TRRAP: variants seen among roughly 807,000 people sequenced by gnomAD.
The protein encoded by TRRAP is transformation/transcription domain associated protein.
TRRAP carries 41 observed loss-of-function variants against 438.8 expected under a neutral mutation model. The observed-to-expected ratio is 0.09, with a 90% CI of 0.07 to 0.12. The LOEUF is 0.12. Among genes scored for constraint, TRRAP ranks in the 10% least tolerant of loss-of-function variants. TRRAP has a pLI of 1.00. For missense variants in TRRAP, 3,122 were observed against 5,055.1 expected, an observed-to-expected ratio of 0.62 and a Z score of 11.60; for synonymous variants, 1,994 against 1,962.9, an observed-to-expected ratio of 1.02 and a Z score of -0.42.
intron 3 of TRRAP, among the ~76,000 whole-genome samples, chr7:98,889,410 A>G (rs1795862472): frequency 6.6e-6 from 1 of 152,164 alleles, no homozygotes; most frequent in African/African-American, 2.4e-5. Flanking sequence ...AGTCTTCACA[A>G]TAGTCCTATA....
chr7:98,931,455 G>C lies in TRRAP; in HGVS notation c.3642G>C (p.Leu1214=). Reference sequence around the variant, plus strand: ...CAAAGACCACGCTGGAGCAGCTTCTGATGCGGTGCGCAACGCCTTTAAAAG... The same window carrying C: ...CAAAGACCACGCTGGAGCAGCTTCTCATGCGGTGCGCAACGCCTTTAAAAG... ...AMAKTTLEQL[L]MRCATPLKDE... is the part of the protein sequence containing the mutation. Residue 1214 remains leucine (L), a synonymous_variant, in exon 26 of 73, where the codon CTG becomes CTC. Transcript: ENST00000456197. The C allele has an allele frequency of 6.2e-7, 1 of 1,614,126 alleles. No individual in the cohort carries two copies. The highest frequency in any genetic ancestry group is 8.5e-7 in the Non-Finnish European group (1 of 1,180,016).
intron 11 of TRRAP, 22 bp from the exon 12 acceptor site, chr7:98,903,357 T>C: frequency 6.2e-7 from 1 of 1,613,698 alleles, no homozygotes; most frequent in Non-Finnish European, 8.5e-7. Context: ...TGTAACTGTG[T>C]CATCTCACTC....
At chr7:98,898,688 T>G (rs184156741) in intron 8 of TRRAP, among the ~76,000 whole-genome samples, 35 of 152,350 alleles carry the variant, frequency 2.3e-4, no homozygotes, top group African/African-American at 7.9e-4. Flanking sequence ...TCCTTATATA[T>G]TAGGACTGTT....
intron 2 of TRRAP, 149 bp downstream of exon 2, chr7:98,881,399 C>A (rs1795422136): frequency 1.6e-6 from 1 of 632,578 alleles, no homozygotes; most frequent in Non-Finnish European, 2.5e-6. Flanking sequence ...ATGGTGAAAC[C>A]ACGTCTCTAC....
chr7:98,919,898 A>G (rs782712506), intron 20 of TRRAP, among the ~76,000 whole-genome samples: 2 of 152,156 alleles, frequency 1.3e-5, no homozygotes, highest in Non-Finnish European at 2.9e-5. Context: ...AGTCCCATCA[A>G]CCAGCTAAGG....
In TRRAP at chr7:98,949,645, T is replaced by C; in HGVS notation, c.4954-15T>C. ...TAATCGAGACACGGTTCCCTAATTA[T>C]CTCTTCTTTGACAGATCATAAGCAT... On this transcript the variant is annotated splice_polypyrimidine_tract_variant and intron_variant, in intron 36 of 72. Coordinates refer to ENST00000456197, the MANE Select transcript of TRRAP (RefSeq NM_001375524.1). 6.2e-7 allele frequency: 1 copy of C among 1,605,044 alleles called. No homozygotes were observed. Among genetic ancestry groups the C allele is most frequent in the Non-Finnish European group, 8.5e-7 (1 of 1,175,252 alleles).
At chr7:98,921,178 C>T (rs1789777047) in intron 20 of TRRAP, among the ~76,000 whole-genome samples, 1 of 152,156 alleles carries the variant, frequency 6.6e-6, no homozygotes, top group Non-Finnish European at 1.5e-5. Context: ...CTCTGCAGCA[C>T]TTATAATATG....
chr7:98,937,093 A>G (rs527643889), intron 28 of TRRAP, 63 bp from the exon 29 acceptor site: 21 of 1,528,496 alleles, frequency 1.4e-5, no homozygotes, highest in Non-Finnish European at 1.8e-5. Context: ...AAATACAGAG[A>G]AGAAAATTAT....
intron 31 of TRRAP, among the ~76,000 whole-genome samples, chr7:98,945,237 C>A (rs139322372): frequency 1.3e-5 from 2 of 152,190 alleles, no homozygotes; most frequent in African/African-American, 4.8e-5. Context: ...CACATACATG[C>A]GTGCACACAC....
chr7:98,967,236 C>T lies in TRRAP; in HGVS notation c.7298+74C>T, dbSNP rs1792197331. The T allele has an allele frequency of 2.6e-6, 4 of 1,535,992 alleles. 1 individual carries two copies. The highest frequency in any genetic ancestry group is 1.7e-4 in the Middle Eastern group (1 of 5,758). On this transcript the variant is annotated intron_variant, in intron 50 of 72. Coordinates refer to ENST00000456197, the MANE Select transcript of TRRAP (RefSeq NM_001375524.1). ...CTCCCCGGCCAGCCAGCCATGCAGC[C>T]ATGATTTTAATCTTTTACTCATACC...
In TRRAP at chr7:99,005,836, G is replaced by C. The variant is rs1794138947; in HGVS notation, c.10753+488G>C. 6.6e-6 allele frequency among the ~76,000 whole-genome samples: 1 copy of C among 152,110 alleles called. No individual in the cohort carries two copies. The highest frequency in any genetic ancestry group is 2.4e-5 in the African/African-American group (1 of 41,410). On this transcript the variant is annotated intron_variant, in intron 69 of 72. Transcript: ENST00000456197. This position sits in a 1 kb window ranked among gnomAD's most constrained non-coding sequence, Gnocchi z 5.1. Reference sequence around the variant, plus strand: ...ACTCTACGGAGTGGGCCCCTGGAGAGCTGGGGCGTCTCAGTGGGTGCTGCC... The same window carrying C: ...ACTCTACGGAGTGGGCCCCTGGAGACCTGGGGCGTCTCAGTGGGTGCTGCC...
chr7:98,942,614 T>C (rs1790846709), intron 30 of TRRAP, among the ~76,000 whole-genome samples: 1 of 152,222 alleles, frequency 6.6e-6, no homozygotes, highest in Non-Finnish European at 1.5e-5. Flanking sequence ...CGTTCATGTC[T>C]CTACTGTGAC....
intron 51 of TRRAP, among the ~76,000 whole-genome samples, chr7:98,969,275 G>T (rs1488171775): frequency 2.6e-5 from 4 of 152,178 alleles, no homozygotes; most frequent in Admixed American, 6.5e-5. Flanking sequence ...CTGGCCCCCT[G>T]CCTCTCTCTG....
rs782520909 is a variant in TRRAP at position 98,953,415 on chromosome 7, C to T, written c.5712C>T (p.His1904=). Residue 1904 remains histidine, a synonymous_variant, in exon 40 of 73, where the codon CAC becomes CAT. Transcript: ENST00000456197. The part of the protein sequence containing the change: ...LAHIIAKFAI[H]KKIVLQVFHS... Reference sequence around the variant, plus strand: ...ACATTATCGCCAAATTCGCCATACACAAGAAGATCGTCCTGCAGGTATTTT... The same window carrying T: ...ACATTATCGCCAAATTCGCCATACATAAGAAGATCGTCCTGCAGGTATTTT... The T allele has an allele frequency of 1.2e-6, 2 of 1,611,746 alleles. No individual in the cohort carries two copies. Among genetic ancestry groups the T allele is most frequent in the Non-Finnish European group, 1.7e-6 (2 of 1,179,966 alleles).
intron 29 of TRRAP, among the ~76,000 whole-genome samples, 168 bp from the exon 30 acceptor site, chr7:98,937,482 A>G (rs1790610189): frequency 6.6e-6 from 1 of 152,254 alleles, no homozygotes; most frequent in Admixed American, 6.5e-5. Flanking sequence ...TAAACAGTAA[A>G]GATAAGTCTC....
At chr7:98,911,047 C>T (rs781976727) in intron 16 of TRRAP, 30 bp from the exon 17 acceptor site, 2 of 1,602,414 alleles carry the variant, frequency 1.2e-6, no homozygotes, top group Admixed American at 1.7e-5. Flanking sequence ...AGTTTTAATG[C>T]CTGTGGGCGG....
intron 53 of TRRAP, among the ~76,000 whole-genome samples, chr7:98,972,248 G>T (rs1792450972): frequency 1.3e-5 from 2 of 152,280 alleles, no homozygotes; most frequent in South Asian, 2.1e-4. Flanking sequence ...TTGATATGTT[G>T]CTCAGACTGG....
intron 25 of TRRAP, 41 bp from the exon 26 acceptor site, chr7:98,931,364 G>T (rs782632923): frequency 6.3e-7 from 1 of 1,599,028 alleles, no homozygotes; most frequent in Non-Finnish European, 8.5e-7. Context: ...GCAGTGGGTG[G>T]CATCGCCCTG....
intron 58 of TRRAP, among the ~76,000 whole-genome samples, chr7:98,979,915 GT>G: frequency 6.6e-6 from 1 of 152,244 alleles, no homozygotes; most frequent in Admixed American, 6.5e-5. Flanking sequence ...TAGTTTCTTG[GT>G]TTCATTTAGT....
Sources: allele counts gnomAD v4.1 joint callset (sites outside exome capture counted in the v4.1 genomes callset), GRCh38; gene constraint gnomAD v4.1.1; non-coding constraint Gnocchi (gnomAD v3.1); transcripts MANE v1.5; gene names NCBI Gene and HGNC (gene_info 2026-07-23, HGNC 2026-07-21).